The following CCT4 variants were observed in gnomAD, a reference collection of about 807,000 sequenced individuals.
CCT4 encodes T-complex protein 1 subunit delta.
In CCT4, 17 loss-of-function variants were observed where a neutral mutation model predicts 62.5. The observed-to-expected ratio is 0.27, with a 90% CI of 0.19 to 0.41. The LOEUF (loss-of-function observed/expected upper bound fraction) is 0.41, where lower values mean the gene tolerates loss of function less well. Ranked by LOEUF, CCT4 falls within the 10% of genes least tolerant of loss-of-function variation. The pLI, the probability that CCT4 is intolerant of heterozygous loss-of-function variation, is 1.00. For synonymous variants in CCT4, 250 were observed against 229.9 expected (o/e 1.09, Z -0.79); for missense variants, 592 against 659.2 (o/e 0.90, Z 1.12).
chr2:61,879,277 T>TTTTC (rs397792406), intron 4 of CCT4, among the ~76,000 whole-genome samples: 29 of 144,982 alleles, frequency 2.0e-4, no homozygotes, highest in African/African-American at 7.4e-4. Flanking sequence ...TTTTTTTTTT[T>TTTTC]CTGAGACAGG....
intron 8 of CCT4, among the ~76,000 whole-genome samples, chr2:61,873,674 T>C (rs1273518826): frequency 6.6e-6 from 1 of 152,176 alleles, no homozygotes. Context: ...CAAGCGATTC[T>C]CCTGCCTCAG....
In CCT4 at chr2:61,885,087, G is replaced by GAA. The variant is rs35876878; in HGVS notation, c.128-17_128-16dup. ...ATCAGCAACCGCTGCAGATGGGGGG[G>GAA]AAAAAAAAGAAAACAAATTAGAACT... On this transcript the variant is annotated splice_polypyrimidine_tract_variant and intron_variant, in intron 1 of 13. Coordinates refer to ENST00000394440, the MANE Select transcript of CCT4 (RefSeq NM_006430.4). 9.0e-5 allele frequency: 136 copies of GAA among 1,515,752 alleles called. No homozygotes were observed. The highest frequency in any genetic ancestry group is 7.0e-4 in the Middle Eastern group (4 of 5,708). The allele number at this position is 1,515,752 out of a possible 1,614,324, so 93.9% of individuals were successfully genotyped here.
At chr2:61,880,428 A>C in intron 3 of CCT4, 34 bp from the exon 4 acceptor site, 2 of 1,166,220 alleles carry the variant, frequency 1.7e-6, no homozygotes, top group Non-Finnish European at 2.5e-6. Flanking sequence ...TTGCTCAATG[A>C]GAAATGACAG....
intron 1 of CCT4, 77 bp downstream of exon 1, chr2:61,888,304 C>G (rs1195987261): frequency 6.5e-7 from 1 of 1,531,308 alleles, no homozygotes; most frequent in East Asian, 2.4e-5. Flanking sequence ...GGGAAATGAG[C>G]CAAACCCGCT....
chr2:61,879,498 A>G (rs1294324943), intron 4 of CCT4, among the ~76,000 whole-genome samples: 5 of 143,092 alleles, frequency 3.5e-5, no homozygotes, highest in African/African-American at 1.3e-4. Context: ...GTCTGGTCTC[A>G]ACTCCTTGGG....
At chr2:61,882,656 G>A (rs528944455) in intron 3 of CCT4, among the ~76,000 whole-genome samples, 4 of 151,970 alleles carry the variant, frequency 2.6e-5, no homozygotes, top group African/African-American at 7.2e-5. Context: ...CCACAGGTGC[G>A]CACCACACAC....
intron 1 of CCT4, chr2:61,888,144 G>GA: frequency 1.9e-6 from 1 of 535,848 alleles, no homozygotes; most frequent in Non-Finnish European, 3.3e-6. Context: ...AGTGCAGGAT[G>GA]AAAAACTAAG....
At chr2:61,883,027 C>A (rs1202870562) in intron 3 of CCT4, among the ~76,000 whole-genome samples, 1 of 152,090 alleles carries the variant, frequency 6.6e-6, no homozygotes, top group Non-Finnish European at 1.5e-5. Context: ...CACAATGTAT[C>A]CTAAAAATAT....
rs938904622 is a variant in CCT4 at position 61,868,345 on chromosome 2, G to A, written c.*347C>T. ...TTTTAAGACAGCATATATATTATATGTTGGTAGTTTTTAAGGCCAGGGAGC... is the reference window on the plus strand; with the variant it reads ...TTTTAAGACAGCATATATATTATATATTGGTAGTTTTTAAGGCCAGGGAGC... On this transcript the variant is annotated 3_prime_UTR_variant, in exon 14 of 14. Transcript: ENST00000394440. 4.2e-6 allele frequency: 1 copy of A among 239,374 alleles called. No homozygotes were observed. The highest frequency in any genetic ancestry group is 8.2e-6 in the Non-Finnish European group (1 of 122,088). 14.8% of individuals were successfully genotyped at this position (239,374 alleles called of 1,614,324 possible).
Position 61,873,079 on chromosome 2 carries a change from G to C in CCT4, c.1048C>G (p.Gln350Glu). The C allele has an allele frequency of 6.2e-7, 1 of 1,612,468 alleles. No individual in the cohort carries two copies. The highest frequency in any genetic ancestry group is 8.5e-7 in the Non-Finnish European group (1 of 1,178,472). Residue 350 changes from glutamine to glutamate, a missense_variant, in exon 10 of 14, where the codon CAA becomes GAA. Around this residue, in one of 3 missense-constraint regions of CCT4, gnomAD observed 522 missense variants for 571.2 expected, o/e 0.91. Transcript: ENST00000394440. The stretch of plus-strand genomic sequence containing the variant: ...GAACCCAGCATGTCAGCAGTAAATT[G>C]GTCAATATGAGCAACTGGCTTGGTT... ...IGTKPVAHID[Q>E]FTADMLGSAE...
At chr2:61,872,788 G>A (rs1037757694) in intron 10 of CCT4, among the ~76,000 whole-genome samples, 200 bp from the exon 11 acceptor site, 7 of 152,142 alleles carry the variant, frequency 4.6e-5, no homozygotes, top group Admixed American at 2.0e-4. Context: ...TTAGCAGGGC[G>A]TGGTGGCAGG....
At position 61,883,443 on chromosome 2, in the gene CCT4, C is replaced by G. The variant is rs373680483; in HGVS notation, c.270+16G>C. 1.4e-5 allele frequency: 17 copies of G among 1,209,896 alleles called. No individual in the cohort carries two copies. Among genetic ancestry groups the G allele is most frequent in the Non-Finnish European group, 1.9e-5 (16 of 852,684 alleles). The allele number at this position is 1,209,896 out of a possible 1,614,324, so 74.9% of individuals were successfully genotyped here. A position where few individuals can be genotyped will look rare whatever the true frequency, so the allele number is the denominator to read the frequency against. ...AAAAAAAAAAAAAAAAAAGACTCAC[C>G]TAAAATTACACTTACCATTCTGGCT... is the stretch of plus-strand genomic sequence containing the variant. On this transcript the variant is annotated intron_variant, in intron 3 of 13. Coordinates refer to ENST00000394440, the MANE Select transcript of CCT4 (RefSeq NM_006430.4).
Position 61,872,584 on chromosome 2 carries a change from G to A in CCT4, c.1130C>T (p.Thr377Ile). Residue 377 changes from threonine to isoleucine, a missense_variant, in exon 11 of 14, where the codon ACA becomes ATA. By Grantham distance (89) the Thr-to-Ile change is moderately conservative. Transcript: ENST00000394440. ...LNGSGKLLKI[T>I]GCASPGKTVT... Reference sequence around the variant, plus strand: ...TGTTTTTCCAGGGCTGGCACAGCCTGTAATCTTCAGTAAACAAATTCCAAA... The same window carrying A: ...TGTTTTTCCAGGGCTGGCACAGCCTATAATCTTCAGTAAACAAATTCCAAA... 1.9e-6 allele frequency: 3 copies of A among 1,612,714 alleles called. No homozygotes were observed. Among genetic ancestry groups the A allele is most frequent in the Non-Finnish European group, 2.5e-6 (3 of 1,179,618 alleles).
intron 13 of CCT4, among the ~76,000 whole-genome samples, 193 bp downstream of exon 13, chr2:61,869,247 A>G (rs1407348160): frequency 1.3e-5 from 2 of 151,970 alleles, no homozygotes; most frequent in African/African-American, 2.4e-5. Context: ...GAGACAGGAG[A>G]ATCACTTGAA....
At chr2:61,882,909 C>T (rs1324241925) in intron 3 of CCT4, among the ~76,000 whole-genome samples, 1 of 151,722 alleles carries the variant, frequency 6.6e-6, no homozygotes, top group African/African-American at 2.4e-5. Flanking sequence ...CTCAAATAAT[C>T]CTCCCATGTC....
intron 13 of CCT4, among the ~76,000 whole-genome samples, chr2:61,869,029 G>C (rs1464069891): frequency 1.3e-5 from 2 of 151,724 alleles, no homozygotes; most frequent in African/African-American, 2.4e-5. Flanking sequence ...CAGCTACTTG[G>C]GAGGTGGGAG....
chr2:61,869,142 A>C (rs1320202936), intron 13 of CCT4, among the ~76,000 whole-genome samples: 2 of 16,280 alleles, frequency 1.2e-4, no homozygotes, highest in East Asian at 4.9e-3. Flanking sequence ...ACTTCGTCTC[A>C]GAAAAAAAAA....
In CCT4 at chr2:61,872,520, A is replaced by T. The variant is rs1218507963; in HGVS notation, c.1194T>A (p.Ile398=). 6.2e-7 allele frequency: 1 copy of T among 1,614,012 alleles called. No homozygotes were observed. Among genetic ancestry groups the T allele is most frequent in the Non-Finnish European group, 8.5e-7 (1 of 1,179,834 alleles). Residue 398 remains isoleucine (I), a synonymous_variant, in exon 11 of 14, where the codon ATT becomes ATA. Coordinates refer to ENST00000394440, the MANE Select transcript of CCT4 (RefSeq NM_006430.4). ...IVVRGSNKLV[I]EEAERSIHDA... ...CATGAATGGAGCGCTCAGCTTCTTC[A>T]ATCACCAGTTTGTTAGAACCACGAA... is the stretch of plus-strand genomic sequence containing the variant.
At chr2:61,870,756 T>TA (rs1193476107) in intron 12 of CCT4, among the ~76,000 whole-genome samples, 4 of 151,768 alleles carry the variant, frequency 2.6e-5, no homozygotes, top group Non-Finnish European at 5.9e-5. Context: ...CCATATCTAC[T>TA]AAAAAATACA....
Sources: allele counts gnomAD v4.1 joint callset (sites outside exome capture counted in the v4.1 genomes callset), GRCh38; gene constraint gnomAD v4.1.1; regional missense constraint gnomAD v4.1.1; transcripts MANE v1.5; gene names NCBI Gene and HGNC (gene_info 2026-07-23, HGNC 2026-07-21).